The following GABRG3 variants were observed in gnomAD, a reference collection of about 807,000 sequenced individuals.
GABRG3 encodes gamma-aminobutyric acid receptor subunit gamma-3.
In GABRG3, 25 loss-of-function variants were observed where a neutral mutation model predicts 48.8. The observed-to-expected ratio is 0.51, with a 90% CI of 0.37 to 0.72. The LOEUF (loss-of-function observed/expected upper bound fraction) is 0.72. GABRG3 is among the 30% of genes least tolerant of loss of function. The pLI is 0.00. For synonymous variants in GABRG3, 227 were observed against 217.6 expected (o/e 1.04, Z -0.38); for missense variants, 394 against 577.9 (o/e 0.68, Z 3.26).
intron 3 of GABRG3, among the ~76,000 whole-genome samples, chr15:27,122,800 A>C (rs747212048): frequency 6.6e-6 from 1 of 152,214 alleles, no homozygotes; most frequent in African/African-American, 2.4e-5. Context: ...TGACGATTGC[A>C]CTTGAAGCTT....
At chr15:27,448,432 T>C in intron 5 of GABRG3, among the ~76,000 whole-genome samples, 1 of 152,194 alleles carries the variant, frequency 6.6e-6, no homozygotes, top group East Asian at 1.9e-4. Flanking sequence ...TTCATGTGAA[T>C]ACCACTCATG....
rs1891494519 is a variant in GABRG3, at chr15:27,534,087, C to T, written c.*1206C>T. On this transcript the variant is annotated 3_prime_UTR_variant, in exon 10 of 10. Transcript: ENST00000615808. ...ATGTTGGCCTGGCTGGTCTCGAACTCCTGACCTCAGGTGATCTGCCCGCCT... is the reference window on the plus strand; with the variant it reads ...ATGTTGGCCTGGCTGGTCTCGAACTTCTGACCTCAGGTGATCTGCCCGCCT... The T allele has an allele frequency of 6.6e-6, 1 of 151,698 alleles. No homozygotes were observed. The allele number at this position is 151,698 out of a possible 1,614,324, so 9.4% of individuals were successfully genotyped here. A position where few individuals can be genotyped will look rare whatever the true frequency, so the allele number is the denominator to read the frequency against.
chr15:27,063,192 A>G (rs868046385), intron 3 of GABRG3, among the ~76,000 whole-genome samples: 2 of 152,188 alleles, frequency 1.3e-5, no homozygotes, highest in Non-Finnish European at 2.9e-5. Context: ...CAGCTGACCA[A>G]CACAGCTTCC....
intron 3 of GABRG3, among the ~76,000 whole-genome samples, chr15:27,033,005 T>A (rs929091913): frequency 6.6e-6 from 1 of 152,122 alleles, no homozygotes; most frequent in South Asian, 2.1e-4. Flanking sequence ...CCCTTCTTTT[T>A]AAGCCATTTT....
At chr15:27,466,900 A>T (rs930446177) in intron 5 of GABRG3, among the ~76,000 whole-genome samples, 10 of 152,196 alleles carry the variant, frequency 6.6e-5, no homozygotes, top group Non-Finnish European at 1.3e-4. Flanking sequence ...ACTTTTTAAT[A>T]TGGTATTTTG....
intron 3 of GABRG3, among the ~76,000 whole-genome samples, chr15:27,242,623 A>C (rs1890160558): frequency 6.6e-6 from 1 of 152,216 alleles, no homozygotes; most frequent in African/African-American, 2.4e-5. Context: ...TATTTATCAA[A>C]CCCATGCTCA....
intron 6 of GABRG3, among the ~76,000 whole-genome samples, chr15:27,489,386 A>G (rs1461728182): frequency 6.6e-6 from 1 of 152,184 alleles, no homozygotes; most frequent in Non-Finnish European, 1.5e-5. Context: ...TCCTTTGGGT[A>G]TATACCCAGT....
intron 3 of GABRG3, among the ~76,000 whole-genome samples, chr15:27,254,028 A>T (rs1890538850): frequency 6.6e-6 from 1 of 152,204 alleles, no homozygotes; most frequent in South Asian, 2.1e-4. Flanking sequence ...CTTGAAATTA[A>T]TTGTCCAAAT....
At chr15:27,028,695 A>G (rs1896026254) in intron 3 of GABRG3, among the ~76,000 whole-genome samples, 1 of 151,518 alleles carries the variant, frequency 6.6e-6, no homozygotes, top group South Asian at 2.1e-4. Flanking sequence ...AGTCTCAGCT[A>G]CTCGAGAGGC....
intron 6 of GABRG3, among the ~76,000 whole-genome samples, chr15:27,483,612 T>C (rs1595785058): frequency 6.6e-6 from 1 of 152,216 alleles, no homozygotes; most frequent in East Asian, 1.9e-4. Flanking sequence ...CCCAGACACA[T>C]CCTTTTTACT....
At chr15:27,424,657 A>G (rs10152967) in intron 5 of GABRG3, among the ~76,000 whole-genome samples, 36,039 of 150,876 alleles carry the variant, frequency 0.24, 6,101 homozygotes, top group African/African-American at 0.46. Flanking sequence ...AGGTTCAAGC[A>G]ATTCTCCTGC....
At chr15:27,015,318 T>G (rs993747510) in intron 2 of GABRG3, among the ~76,000 whole-genome samples, 1 of 152,096 alleles carries the variant, frequency 6.6e-6, no homozygotes, top group Non-Finnish European at 1.5e-5. Flanking sequence ...AATTTTTTTT[T>G]CTGGATGTAT....
chr15:27,281,552 G>A (rs1261185869), intron 3 of GABRG3, among the ~76,000 whole-genome samples: 1 of 149,882 alleles, frequency 6.7e-6, no homozygotes, highest in Non-Finnish European at 1.5e-5. Flanking sequence ...TTTTTTAAAT[G>A]GTTTCTCTGG....
chr15:27,256,440 CAA>C (rs532681313), intron 3 of GABRG3, among the ~76,000 whole-genome samples: 15 of 41,040 alleles, frequency 3.7e-4, no homozygotes, highest in Non-Finnish European at 4.0e-4. Context: ...GACTCCGTCT[CAA>C]AAAAAAAAAA....
In GABRG3 at chr15:27,326,952, C is replaced by G; in HGVS notation, c.414C>G (p.Thr138=). The G allele has an allele frequency of 5.0e-6, 8 of 1,613,986 alleles. No homozygotes were observed. The highest frequency in any genetic ancestry group is 5.9e-6 in the Non-Finnish European group (7 of 1,179,882). ...ACACCATCTTCCGCAATTCTAAAAC[C>G]GCAGAGGCTCACTGGATCACCACAC... ...IPDTIFRNSK[T]AEAHWITTPN... Residue 138 remains threonine, a synonymous_variant, in exon 4 of 10, where the codon ACC becomes ACG. Transcript: ENST00000615808.
At chr15:26,999,010 C>T (rs1477838691) in intron 2 of GABRG3, among the ~76,000 whole-genome samples, 1 of 151,494 alleles carries the variant, frequency 6.6e-6, no homozygotes, top group East Asian at 1.9e-4. Flanking sequence ...AATTCCTATC[C>T]CTTGCCTTTG....
intron 3 of GABRG3, among the ~76,000 whole-genome samples, chr15:27,132,948 C>T (rs1219516342): frequency 6.6e-6 from 1 of 151,234 alleles, no homozygotes; most frequent in Non-Finnish European, 1.5e-5. Context: ...CTCTAAATTT[C>T]CTTCTCAGCA....
intron 3 of GABRG3, among the ~76,000 whole-genome samples, chr15:27,153,095 T>A (rs1379974441): frequency 6.6e-6 from 1 of 152,152 alleles, no homozygotes; most frequent in Non-Finnish European, 1.5e-5. Flanking sequence ...TCTCCTGACC[T>A]TGTGATCCGC....
rs1222703050 is a variant in GABRG3 at position 27,306,050 on chromosome 15, A to G, written c.271-20759A>G. Among the ~76,000 whole-genome samples the G allele has an allele frequency of 9.1e-5, 9 of 99,268 alleles. 1 individual carries two copies. The highest frequency in any genetic ancestry group is 1.3e-4 in the Admixed American group (1 of 7,632). The allele number at this position is 99,268 out of a possible 152,430, so 65.1% of individuals were successfully genotyped here. On this transcript the variant is annotated intron_variant, in intron 3 of 9. Coordinates refer to ENST00000615808, the MANE Select transcript of GABRG3 (RefSeq NM_033223.5). ...ATGTTTATATATAAACATATATAAT[A>G]TAAACCTATATGTTTATATATAAAC...
Sources: allele counts gnomAD v4.1 joint callset (sites outside exome capture counted in the v4.1 genomes callset), GRCh38; gene constraint gnomAD v4.1.1; transcripts MANE v1.5; gene names NCBI Gene and HGNC (gene_info 2026-07-23, HGNC 2026-07-21).